Variants in SH3PXD2A observed in about 807,000 individuals in gnomAD.
SH3PXD2A encodes the protein SH3 and PX domains 2A, also known as SH3 and PX domain-containing protein 2A.
A neutral mutation model predicts 115.2 loss-of-function variants in SH3PXD2A; 32 were observed. The observed-to-expected ratio is 0.28, with a 90% confidence interval of 0.21 to 0.37. The LOEUF (loss-of-function observed/expected upper bound fraction) is 0.37, where lower values mean the gene tolerates loss of function less well. SH3PXD2A is among the 10% of genes least tolerant of loss of function. SH3PXD2A has a pLI of 1.00. For missense variants in SH3PXD2A, 1,328 were observed against 1,498.7 expected, an observed-to-expected ratio of 0.89 and a Z score of 1.88; for synonymous variants, 610 against 629.1, an observed-to-expected ratio of 0.97 and a Z score of 0.45.
chr10:103,853,913 CA>C, intron 1 of SH3PXD2A, among the ~76,000 whole-genome samples: 1 of 152,230 alleles, frequency 6.6e-6, no homozygotes, highest in East Asian at 1.9e-4. Flanking sequence ...GTAACAGCAG[CA>C]GAAAATGCTT....
intron 6 of SH3PXD2A, among the ~76,000 whole-genome samples, chr10:103,669,108 C>T (rs893387426): frequency 6.6e-6 from 1 of 152,208 alleles, no homozygotes; most frequent in Non-Finnish European, 1.5e-5. Context: ...GGTTGGAGCA[C>T]CCAGGACCCA....
rs911438848 is a variant in SH3PXD2A, at chr10:103,784,513, C to T, written c.153+16769G>A. ...TGAAGCAAATGTGGCAAAATATTCA[C>T]GTGTTAAATCTGGGCAGTCGGTCCT... On this transcript the variant is annotated intron_variant, in intron 2 of 14. Coordinates refer to ENST00000369774, the MANE Select transcript of SH3PXD2A (RefSeq NM_001394015.1). The surrounding 1 kb of genome is among the most constrained non-coding windows in gnomAD (Gnocchi z 4.4). 2.6e-5 allele frequency among the ~76,000 whole-genome samples: 4 copies of T among 152,332 alleles called. No homozygotes were observed. The highest frequency in any genetic ancestry group is 1.9e-4 in the East Asian group (1 of 5,182).
rs2037381071 is a variant in SH3PXD2A, at chr10:103,666,149, C to T, written c.472+2459G>A. Among the ~76,000 whole-genome samples the T allele has an allele frequency of 6.6e-6, 1 of 152,174 alleles. No individual in the cohort carries two copies. Among genetic ancestry groups the T allele is most frequent in the South Asian group, 2.1e-4 (1 of 4,826 alleles). On this transcript the variant is annotated intron_variant, in intron 7 of 14. Coordinates refer to ENST00000369774, the MANE Select transcript of SH3PXD2A (RefSeq NM_001394015.1). This position sits in a 1 kb window ranked among gnomAD's most constrained non-coding sequence, Gnocchi z 4.5. ...TTGCCTATAAAGGACAAATTCAAGC[C>T]CAGTCTTTCTTGCCAATCTGAGCTC...
chr10:103,636,616 C>G (rs1294661120), intron 8 of SH3PXD2A, among the ~76,000 whole-genome samples: 1 of 152,124 alleles, frequency 6.6e-6, no homozygotes, highest in African/African-American at 2.4e-5. Flanking sequence ...CCCAGGGTGA[C>G]TAGGCCACAA....
chr10:103,853,922 CT>C (rs1177160280), intron 1 of SH3PXD2A, among the ~76,000 whole-genome samples: 2 of 152,206 alleles, frequency 1.3e-5, no homozygotes, highest in Non-Finnish European at 2.9e-5. Flanking sequence ...GCAGAAAATG[CT>C]TGCTGGACCA....
chr10:103,655,475 C>T (rs73333349), intron 8 of SH3PXD2A, among the ~76,000 whole-genome samples: 2,901 of 152,064 alleles, frequency 0.019, 91 homozygotes, highest in African/African-American at 0.065. Flanking sequence ...ACATAAAATC[C>T]GTTTAAGACA....
intron 8 of SH3PXD2A, among the ~76,000 whole-genome samples, chr10:103,658,037 T>A (rs1255448521): frequency 6.6e-6 from 1 of 152,232 alleles, no homozygotes; most frequent in Non-Finnish European, 1.5e-5. Context: ...ACAAATTGGT[T>A]AAACTCCCTT....
At chr10:103,752,568 C>T (rs1224924442) in intron 3 of SH3PXD2A, among the ~76,000 whole-genome samples, 3 of 152,172 alleles carry the variant, frequency 2.0e-5, no homozygotes, top group Non-Finnish European at 4.4e-5. Context: ...CAAAAGAAAC[C>T]GGACAGCAAA....
rs879648907 is a variant in SH3PXD2A, at chr10:103,627,725, G to C, written c.605-523C>G. On this transcript the variant is annotated intron_variant, in intron 8 of 14. Coordinates refer to ENST00000369774, the MANE Select transcript of SH3PXD2A (RefSeq NM_001394015.1). This position sits in a 1 kb window ranked among gnomAD's most constrained non-coding sequence, Gnocchi z 4.4. Reference sequence around the variant, plus strand: ...ACAGCTGCCCTTTAAGTGTGTTCACGTTTCAGTCGCGGTAAGTGGGCACTG... The same window carrying C: ...ACAGCTGCCCTTTAAGTGTGTTCACCTTTCAGTCGCGGTAAGTGGGCACTG... Among the ~76,000 whole-genome samples, 8 of 152,190 alleles carry C rather than the reference G, an allele frequency of 5.3e-5. No homozygotes were observed. Among genetic ancestry groups the C allele is most frequent in the African/African-American group, 1.7e-4 (7 of 41,440 alleles).
intron 8 of SH3PXD2A, among the ~76,000 whole-genome samples, chr10:103,638,200 C>T (rs1464730069): frequency 3.9e-5 from 6 of 152,342 alleles, no homozygotes; most frequent in African/African-American, 9.6e-5. Context: ...CTCCCCTAGA[C>T]GGGCTCTGAG....
intron 1 of SH3PXD2A, among the ~76,000 whole-genome samples, chr10:103,834,499 G>A (rs1002326107): frequency 1.3e-5 from 2 of 152,216 alleles, no homozygotes; most frequent in Non-Finnish European, 2.9e-5. Context: ...ATTGACTGTG[G>A]TGGCTGTGCA....
intron 7 of SH3PXD2A, among the ~76,000 whole-genome samples, chr10:103,667,397 G>A (rs530051608): frequency 1.2e-4 from 19 of 152,304 alleles, no homozygotes; most frequent in Non-Finnish European, 2.4e-4. Context: ...GGGACTGCTG[G>A]CCCCTCCGCT....
chr10:103,706,461 C>T (rs1463935239), intron 5 of SH3PXD2A, among the ~76,000 whole-genome samples: 1 of 152,216 alleles, frequency 6.6e-6, no homozygotes, highest in Non-Finnish European at 1.5e-5. Flanking sequence ...CCCCCCAAAC[C>T]TTGTTCTAGC....
intron 5 of SH3PXD2A, among the ~76,000 whole-genome samples, chr10:103,719,147 C>G (rs897303959): frequency 1.3e-5 from 2 of 152,244 alleles, no homozygotes; most frequent in African/African-American, 4.8e-5. Context: ...CTATGGTACT[C>G]TGTTCCAGCA....
chr10:103,692,932 CCT>C, intron 6 of SH3PXD2A, 94 bp downstream of exon 6: 1 of 1,001,544 alleles, frequency 1.0e-6, no homozygotes, highest in Admixed American at 1.9e-5. Context: ...ACAACCCCCC[CCT>C]CCCCGCCCCC....
rs1554903074 is a variant in SH3PXD2A at position 103,608,150 on chromosome 10, T to TAAAA, written c.1309-2237_1309-2234dup. On this transcript the variant is annotated intron_variant, in intron 13 of 14. Coordinates refer to ENST00000369774, the MANE Select transcript of SH3PXD2A (RefSeq NM_001394015.1). ...GAGAAACACCCAAGAATGATCAATT[T>TAAAA]AAAAAAAAAAAAAAAAAAAAGAACA... Among the ~76,000 whole-genome samples the TAAAA allele has an allele frequency of 3.4e-4, 11 of 32,636 alleles. 1 individual carries two copies. Among genetic ancestry groups the TAAAA allele is most frequent in the African/African-American group, 2.4e-3 (10 of 4,184 alleles). 21.4% of individuals were successfully genotyped at this position (32,636 alleles called of 152,430 possible). A position where few individuals can be genotyped will look rare whatever the true frequency, so the allele number is the denominator to read the frequency against.
In SH3PXD2A at chr10:103,796,398, AAG is replaced by A. The variant is rs1425765809; in HGVS notation, c.153+4882_153+4883del. 1.5e-3 allele frequency among the ~76,000 whole-genome samples: 220 copies of A among 148,360 alleles called. 41 individuals carry two copies. Among genetic ancestry groups the A allele is most frequent in the Middle Eastern group, 0.014 (4 of 286 alleles). On this transcript the variant is annotated intron_variant, in intron 2 of 14. Coordinates refer to ENST00000369774, the MANE Select transcript of SH3PXD2A (RefSeq NM_001394015.1). ...ATAAATAAAAGTAAAAAAAAAAAAA[AAG>A]AGAGAGAGAGAGACCATATGGGCAT... is the stretch of plus-strand genomic sequence containing the variant.
At position 103,661,105 on chromosome 10, in the gene SH3PXD2A, G is replaced by A. The variant is rs954522846; in HGVS notation, c.482C>T (p.Ala161Val). 69 of 1,612,948 alleles carry A rather than the reference G, an allele frequency of 4.3e-5. No individual in the cohort carries two copies. Among genetic ancestry groups the A allele is most frequent in the Non-Finnish European group, 5.2e-5 (61 of 1,179,524 alleles). ...SPKKDVTGAD[A>V]TAEPMILEQY... ...TTCCAGGATCATGGGCTCGGCGGTG[G>A]CGTCGGCACCTGGCGAGGGCAGAAA... Residue 161 changes from alanine to valine, a missense_variant, in exon 8 of 15, where the codon GCC (alanine) becomes GTC (valine). Around this residue, in one of 5 missense-constraint regions of SH3PXD2A, gnomAD observed 90 missense variants for 71.1 expected, o/e 1.27. Transcript: ENST00000369774.
intron 8 of SH3PXD2A, among the ~76,000 whole-genome samples, chr10:103,637,237 C>G (rs2036881373): frequency 6.6e-6 from 1 of 152,180 alleles, no homozygotes; most frequent in African/African-American, 2.4e-5. Flanking sequence ...GCTTCAGGCT[C>G]TGGGCACAAA....
Sources: allele counts gnomAD v4.1 joint callset (sites outside exome capture counted in the v4.1 genomes callset), GRCh38; gene constraint gnomAD v4.1.1; regional missense constraint gnomAD v4.1.1; non-coding constraint Gnocchi (gnomAD v3.1); transcripts MANE v1.5; gene names NCBI Gene and HGNC (gene_info 2026-07-23, HGNC 2026-07-21).